FBXL14: variants seen among roughly 807,000 people sequenced by gnomAD.
The protein encoded by FBXL14 is F-box/LRR-repeat protein 14.
FBXL14 carries 11 observed loss-of-function variants against 24.5 expected under a neutral mutation model. The observed-to-expected ratio is 0.45, with a 90% CI of 0.28 to 0.74. FBXL14 has a LOEUF of 0.74. FBXL14 is among the 30% of genes least tolerant of loss of function. FBXL14 has a pLI of 0.12. For missense variants in FBXL14, 384 were observed against 545.6 expected, an observed-to-expected ratio of 0.70 and a Z score of 2.95; for synonymous variants, 294 against 240.4, an observed-to-expected ratio of 1.22 and a Z score of -2.06.
At chr12:1,592,392 G>GT (rs2094492546) in intron 1 of FBXL14, among the ~76,000 whole-genome samples, 1 of 152,100 alleles carries the variant, frequency 6.6e-6, no homozygotes, top group South Asian at 2.1e-4. Context: ...AAGTGGAAGG[G>GT]TGAAAAGGCC....
rs2154437579 is a variant in FBXL14, at chr12:1,566,131, A to G, written c.*617T>C. ...GGCACTCAGTAAACATTATTAATGA[A>G]TGATAATGATTTGTCAGTGATTGAA... On this transcript the variant is annotated 3_prime_UTR_variant, in exon 2 of 2. Coordinates refer to ENST00000339235, the MANE Select transcript of FBXL14 (RefSeq NM_152441.3). 6.5e-6 allele frequency: 1 copy of G among 152,772 alleles called. No individual in the cohort carries two copies. Among genetic ancestry groups the G allele is most frequent in the East Asian group, 1.9e-4 (1 of 5,188 alleles). The allele number at this position is 152,772 out of a possible 1,614,324, so 9.5% of individuals were successfully genotyped here.
intron 1 of FBXL14, 93 bp downstream of exon 1, chr12:1,592,780 G>A (rs2094493531): frequency 9.2e-7 from 1 of 1,089,598 alleles, no homozygotes; most frequent in Admixed American, 2.6e-5. Context: ...AATGATCTGT[G>A]CGTAAGTGTG....
At position 1,593,257 on chromosome 12, in the gene FBXL14, G is replaced by A; in HGVS notation, c.810C>T (p.Gly270=). ...GGCTGCCCATGGCCAGATGCATGAT[G>A]CCCGTGTCACTGATGTTGTCACAGG... is the stretch of plus-strand genomic sequence containing the variant. ...LRSCDNISDT[G]IMHLAMGSLR... The change falls in exon 1 of 2, where the codon GGC becomes GGT. Residue 270 remains glycine (G), a synonymous_variant. Coordinates refer to ENST00000339235, the MANE Select transcript of FBXL14 (RefSeq NM_152441.3). The surrounding 1 kb of genome is among the most constrained non-coding windows in gnomAD (Gnocchi z 7.4). The A allele has an allele frequency of 1.2e-6, 2 of 1,612,800 alleles. No homozygotes were observed. The highest frequency in any genetic ancestry group is 1.1e-5 in the South Asian group (1 of 91,082).
intron 1 of FBXL14, among the ~76,000 whole-genome samples, chr12:1,582,183 GAAAGGAAGA>G (rs1278970437): frequency 3.4e-5 from 5 of 147,140 alleles, no homozygotes; most frequent in African/African-American, 5.1e-5. Context: ...AGAAAGAAAA[GAAAGGAAGA>G]AAAGGAAGAA....
chr12:1,574,391 C>G, intron 1 of FBXL14, among the ~76,000 whole-genome samples: 1 of 149,002 alleles, frequency 6.7e-6, no homozygotes, highest in Admixed American at 6.7e-5. Flanking sequence ...TGGATGGAGG[C>G]TGGGGTGGGG....
chr12:1,580,674 T>A (rs1045859166), intron 1 of FBXL14, among the ~76,000 whole-genome samples: 1 of 152,082 alleles, frequency 6.6e-6, no homozygotes, highest in Non-Finnish European at 1.5e-5. Flanking sequence ...TGCAGACTTG[T>A]GTATTGTGCT....
chr12:1,593,082 TCTGCCGCACCA>T lies in FBXL14; in HGVS notation c.974_984del (p.Met325AsnfsTer25). The T allele has an allele frequency of 6.2e-7, 1 of 1,613,214 alleles. No homozygotes were observed. Among genetic ancestry groups the T allele is most frequent in the African/African-American group, 1.3e-5 (1 of 75,030 alleles). ...ATGTTGAGCGTGCGCAGCCCGTGCA[TCTGCCGCACCA>T]TGCGGTTGATGCCATCATCACTGAT... On this transcript the variant is annotated frameshift_variant, in exon 1 of 2. Coordinates refer to ENST00000339235, the MANE Select transcript of FBXL14 (RefSeq NM_152441.3). LOFTEE classifies it high-confidence loss of function. This position sits in a 1 kb window ranked among gnomAD's most constrained non-coding sequence, Gnocchi z 7.4.
intron 1 of FBXL14, among the ~76,000 whole-genome samples, chr12:1,582,574 G>A (rs80330606): frequency 2.0e-5 from 3 of 152,144 alleles, no homozygotes; most frequent in African/African-American, 4.8e-5. Flanking sequence ...CAAAAGTTGC[G>A]CAGGGAGATG....
At position 1,590,692 on chromosome 12, in the gene FBXL14, G is replaced by A. The variant is rs187056253; in HGVS notation, c.1194+2181C>T. Among the ~76,000 whole-genome samples, 345 of 152,294 alleles carry A rather than the reference G, an allele frequency of 2.3e-3. 1 individual carries two copies. The highest frequency in any genetic ancestry group is 7.9e-3 in the African/African-American group (329 of 41,560). Reference sequence around the variant, plus strand: ...CTATTGGAAGTGCTAAAATGCAAATGTGCAAAATCCTGGCCAAGCTCCCCA... The same window carrying A: ...CTATTGGAAGTGCTAAAATGCAAATATGCAAAATCCTGGCCAAGCTCCCCA... On this transcript the variant is annotated intron_variant, in intron 1 of 1. Coordinates refer to ENST00000339235, the MANE Select transcript of FBXL14 (RefSeq NM_152441.3).
At chr12:1,589,805 T>C (rs573653222) in intron 1 of FBXL14, among the ~76,000 whole-genome samples, 1 of 152,352 alleles carries the variant, frequency 6.6e-6, no homozygotes, top group African/African-American at 2.4e-5. Flanking sequence ...AGGATAAGGA[T>C]ATAGCTAGAC....
intron 1 of FBXL14, among the ~76,000 whole-genome samples, chr12:1,575,202 A>T (rs1320799505): frequency 6.6e-6 from 1 of 152,214 alleles, no homozygotes; most frequent in Non-Finnish European, 1.5e-5. Context: ...AAAAATAAAG[A>T]TCCCCTACAG....
In FBXL14 at chr12:1,593,293, G is replaced by A; in HGVS notation, c.774C>T (p.Leu258=). The change falls in exon 1 of 2, where the codon CTC becomes CTT. Residue 258 remains leucine, a synonymous_variant. Transcript: ENST00000339235. The surrounding 1 kb of genome is among the most constrained non-coding windows in gnomAD (Gnocchi z 7.4). ...TGATGTTGTCACAGGAGCGCAGGTT[G>A]AGGCTGCGCAGGCTGCCCATGTGCG... ...HLSHMGSLRS[L]NLRSCDNISD... 4 of 1,613,070 alleles carry A rather than the reference G, an allele frequency of 2.5e-6. No homozygotes were observed. Among genetic ancestry groups the A allele is most frequent in the Non-Finnish European group, 3.4e-6 (4 of 1,179,852 alleles).
chr12:1,589,709 T>G (rs1270004336), intron 1 of FBXL14, among the ~76,000 whole-genome samples: 1 of 152,338 alleles, frequency 6.6e-6, no homozygotes, highest in Non-Finnish European at 1.5e-5. Context: ...GGTTGAGAGA[T>G]GAGCAGTTGA....
chr12:1,586,405 C>T (rs1340433594), intron 1 of FBXL14, among the ~76,000 whole-genome samples: 1 of 152,060 alleles, frequency 6.6e-6, no homozygotes, highest in Non-Finnish European at 1.5e-5. Context: ...TGGGGTTTTG[C>T]TGTGTCGCCC....
In FBXL14 at chr12:1,593,287, C is replaced by G; in HGVS notation, c.780G>C (p.Leu260=). The G allele has an allele frequency of 6.2e-7, 1 of 1,613,050 alleles. No homozygotes were observed. Among genetic ancestry groups the G allele is most frequent in the Non-Finnish European group, 8.5e-7 (1 of 1,179,856 alleles). ...SHMGSLRSLN[L]RSCDNISDTG... is the part of the protein sequence containing the mutation. ...TGTCACTGATGTTGTCACAGGAGCG[C>G]AGGTTGAGGCTGCGCAGGCTGCCCA... Residue 260 remains leucine, a synonymous_variant, in exon 1 of 2, where the codon CTG becomes CTC. Transcript: ENST00000339235. The surrounding 1 kb of genome is among the most constrained non-coding windows in gnomAD (Gnocchi z 7.4).
At position 1,579,923 on chromosome 12, in the gene FBXL14, T is replaced by C. The variant is rs1409939247; in HGVS notation, c.1194+12950A>G. On this transcript the variant is annotated intron_variant, in intron 1 of 1. Transcript: ENST00000339235. The surrounding 1 kb of genome is among the most constrained non-coding windows in gnomAD (Gnocchi z 4.3). ...ATGTTCATCCTCATCGATTAATCCT[T>C]AATGAACACTCATGCATAGATGACA... Among the ~76,000 whole-genome samples the C allele has an allele frequency of 6.6e-6, 1 of 152,228 alleles. No homozygotes were observed. The highest frequency in any genetic ancestry group is 1.5e-5 in the Non-Finnish European group (1 of 68,038).
chr12:1,577,662 G>A (rs1423901982), intron 1 of FBXL14, among the ~76,000 whole-genome samples: 1 of 152,228 alleles, frequency 6.6e-6, no homozygotes, highest in East Asian at 1.9e-4. Context: ...TTGAGGGCAG[G>A]GCAGGGTGAG....
rs141855790 is a variant in FBXL14, at chr12:1,593,479, G to A, written c.588C>T (p.Ser196=). 114 of 1,613,748 alleles carry A rather than the reference G, an allele frequency of 7.1e-5. 1 individual carries two copies. The African/African-American group carries it at 1.3e-3, about 18-fold the overall frequency. ...CCAGGCCCAGGCAGCCCTCCGCCGC[G>A]CTGCGCGTCATGCCGGCCAGGTGCC... The part of the protein sequence containing the change: ...GIGHLAGMTR[S]AAEGCLGLEQ... Residue 196 remains serine, a synonymous_variant, in exon 1 of 2, where the codon AGC becomes AGT. Coordinates refer to ENST00000339235, the MANE Select transcript of FBXL14 (RefSeq NM_152441.3). The surrounding 1 kb of genome is among the most constrained non-coding windows in gnomAD (Gnocchi z 7.4).
In FBXL14 at chr12:1,569,675, C is replaced by T. The variant is rs1372252622; in HGVS notation, c.1195-2865G>A. On this transcript the variant is annotated intron_variant, in intron 1 of 1. Coordinates refer to ENST00000339235, the MANE Select transcript of FBXL14 (RefSeq NM_152441.3). This position sits in a 1 kb window ranked among gnomAD's most constrained non-coding sequence, Gnocchi z 4.2. ...TCGGCCTCCCAGAGTGCTGGGATTA[C>T]AGGCGTGAGCCACCGCTCCCGGCAC... 1.3e-5 allele frequency among the ~76,000 whole-genome samples: 2 copies of T among 152,266 alleles called. No individual in the cohort carries two copies. Among genetic ancestry groups the T allele is most frequent in the African/African-American group, 4.8e-5 (2 of 41,474 alleles).
Sources: allele counts gnomAD v4.1 joint callset (sites outside exome capture counted in the v4.1 genomes callset), GRCh38; gene constraint gnomAD v4.1.1; non-coding constraint Gnocchi (gnomAD v3.1); transcripts MANE v1.5; gene names NCBI Gene and HGNC (gene_info 2026-07-23, HGNC 2026-07-21).